Variants in PDE4D observed in about 807,000 individuals in gnomAD.
PDE4D encodes 3',5'-cyclic-AMP phosphodiesterase 4D.
PDE4D carries 24 observed loss-of-function variants against 87.4 expected under a neutral mutation model. The ratio of observed to expected loss-of-function variants is 0.27; its 90% CI spans 0.20 to 0.39. The LOEUF is 0.39. PDE4D is among the 10% of genes least tolerant of loss of function. The pLI is 1.00. For missense variants in PDE4D, 714 were observed against 1,041.0 expected (o/e 0.69, Z 4.32); for synonymous variants, 384 against 383.2 (o/e 1.00, Z -0.02).
intron 5 of PDE4D, among the ~76,000 whole-genome samples, chr5:59,119,613 G>C (rs952442418): frequency 2.0e-5 from 3 of 152,128 alleles, no homozygotes; most frequent in African/African-American, 7.2e-5. Flanking sequence ...CATAAAGAAA[G>C]CTTAAAATAT....
At chr5:59,356,975 T>C (rs896866304) in intron 1 of PDE4D, 1 of 1,141,542 alleles carries the variant, frequency 8.8e-7, no homozygotes, top group Non-Finnish European at 1.1e-6. Context: ...CTTTGTGCAG[T>C]GGTATGCGCT....
intron 5 of PDE4D, among the ~76,000 whole-genome samples, chr5:59,059,677 C>T (rs1762850819): frequency 1.3e-5 from 2 of 152,168 alleles, no homozygotes; most frequent in Non-Finnish European, 2.9e-5. Context: ...TAGTCTAGCA[C>T]ATTTTATCTT....
At chr5:60,084,434 ATGTG>A (rs757187074) in intron 2 of PDE4D, among the ~76,000 whole-genome samples, 56 of 151,992 alleles carry the variant, frequency 3.7e-4, no homozygotes, top group South Asian at 1.2e-3. Context: ...ATGCGCACGC[ATGTG>A]TGTGAGAGAA....
At chr5:59,414,303 C>T (rs1396623103) in intron 1 of PDE4D, among the ~76,000 whole-genome samples, 1 of 152,146 alleles carries the variant, frequency 6.6e-6, no homozygotes, top group African/African-American at 2.4e-5. Context: ...CCACTTGGAC[C>T]CCAAGCCTGG....
chr5:59,168,378 G>A (rs936833306), intron 5 of PDE4D, among the ~76,000 whole-genome samples: 2 of 152,164 alleles, frequency 1.3e-5, no homozygotes, highest in Non-Finnish European at 2.9e-5. Flanking sequence ...CACCCCATCT[G>A]CCTGACTTCT....
At chr5:59,775,020 G>A (rs769052917) in intron 1 of PDE4D, among the ~76,000 whole-genome samples, 15 of 151,992 alleles carry the variant, frequency 9.9e-5, no homozygotes, top group Admixed American at 2.0e-4. Context: ...AACACAGCAT[G>A]TTTATTTTAT....
chr5:59,538,973 G>A (rs1327930200), intron 1 of PDE4D, among the ~76,000 whole-genome samples: 9 of 152,080 alleles, frequency 5.9e-5, no homozygotes, highest in African/African-American at 2.2e-4. Context: ...AGGCTTTAGT[G>A]CCTCTTCCAT....
intron 2 of PDE4D, among the ~76,000 whole-genome samples, chr5:60,017,873 C>T (rs1347411664): frequency 2.6e-5 from 4 of 152,224 alleles, no homozygotes; most frequent in Non-Finnish European, 5.9e-5. Context: ...AATTGCCACA[C>T]TGTCTTCCAC....
chr5:59,015,556 A>C (rs1246232403), intron 6 of PDE4D, among the ~76,000 whole-genome samples: 1 of 151,948 alleles, frequency 6.6e-6, no homozygotes, highest in Non-Finnish European at 1.5e-5. Context: ...GAGAAATGCA[A>C]ATCAAAACCA....
chr5:59,023,187 AAAAG>A (rs371083136), intron 6 of PDE4D, among the ~76,000 whole-genome samples: 2 of 150,112 alleles, frequency 1.3e-5, no homozygotes, highest in African/African-American at 4.9e-5. Flanking sequence ...GGAAAAAAAA[AAAAG>A]AGAGAGAGAG....
At chr5:60,248,275 T>C (rs1439713665) in intron 1 of PDE4D, among the ~76,000 whole-genome samples, 2 of 151,924 alleles carry the variant, frequency 1.3e-5, no homozygotes, top group African/African-American at 4.8e-5. Flanking sequence ...GGAAAGGCCC[T>C]GAGGAGGGAT....
intron 1 of PDE4D, among the ~76,000 whole-genome samples, chr5:60,290,020 T>C (rs2149769192): frequency 6.6e-6 from 1 of 152,354 alleles, no homozygotes; most frequent in East Asian, 1.9e-4. Context: ...TGAAACTTTC[T>C]AGATATGTCA....
intron 1 of PDE4D, among the ~76,000 whole-genome samples, chr5:60,243,209 A>T (rs1213410960): frequency 2.0e-5 from 3 of 151,990 alleles, no homozygotes; most frequent in Non-Finnish European, 4.4e-5. Flanking sequence ...CCAGTAAATT[A>T]AAAAATCTGG....
intron 1 of PDE4D, among the ~76,000 whole-genome samples, chr5:59,527,126 C>T (rs1041391432): frequency 6.6e-6 from 1 of 151,978 alleles, no homozygotes; most frequent in African/African-American, 2.4e-5. Flanking sequence ...TCCTACTTAC[C>T]CTGAAATAAC....
chr5:59,736,400 C>T (rs972520552), intron 1 of PDE4D, among the ~76,000 whole-genome samples: 2 of 151,876 alleles, frequency 1.3e-5, no homozygotes, highest in African/African-American at 2.4e-5. Context: ...TACAATTGGC[C>T]GGGTGCAGTG....
intron 1 of PDE4D, among the ~76,000 whole-genome samples, chr5:60,279,287 GA>G (rs942568311): frequency 5.9e-5 from 9 of 152,170 alleles, no homozygotes; most frequent in African/African-American, 2.2e-4. Context: ...CCAGTCAGGA[GA>G]AGAAAGAGCA....
At chr5:59,619,951 G>A (rs1035244858) in intron 1 of PDE4D, among the ~76,000 whole-genome samples, 1 of 152,166 alleles carries the variant, frequency 6.6e-6, no homozygotes, top group Non-Finnish European at 1.5e-5. Context: ...TTTGAAGGAA[G>A]TGTTTTAAGT....
At chr5:59,933,960 A>G (rs931600171) in intron 3 of PDE4D, among the ~76,000 whole-genome samples, 1 of 152,002 alleles carries the variant, frequency 6.6e-6, no homozygotes, top group Non-Finnish European at 1.5e-5. Flanking sequence ...AACCTATTTG[A>G]TTATAGAAGG....
intron 1 of PDE4D, among the ~76,000 whole-genome samples, chr5:59,239,904 G>A (rs1309948246): frequency 1.3e-5 from 2 of 152,178 alleles, no homozygotes; most frequent in African/African-American, 4.8e-5. Context: ...GAATGTGAAA[G>A]CACCTAGAAC....
Sources: allele counts gnomAD v4.1 joint callset (sites outside exome capture counted in the v4.1 genomes callset), GRCh38; gene constraint gnomAD v4.1.1; transcripts MANE v1.5; gene names NCBI Gene and HGNC (gene_info 2026-07-23, HGNC 2026-07-21).